The following GRK7 variants were observed in gnomAD, a reference collection of about 807,000 sequenced individuals.
The protein encoded by GRK7 is rhodopsin kinase GRK7.
GRK7 carries 24 observed loss-of-function variants against 34.1 expected under a neutral mutation model. The observed-to-expected ratio is 0.70, with a 90% CI of 0.51 to 0.99. The LOEUF (loss-of-function observed/expected upper bound fraction) is 0.99, where lower values mean the gene tolerates loss of function less well. Among genes scored for constraint, GRK7 ranks in the 50% least tolerant of loss-of-function variants. The pLI is 0.00. For synonymous variants in GRK7, 256 were observed against 279.4 expected, an observed-to-expected ratio of 0.92 and a Z score of 0.84; for missense variants, 644 against 707.3, an observed-to-expected ratio of 0.91 and a Z score of 1.02.
At position 141,778,573 on chromosome 3, in the gene GRK7, G is replaced by A. The variant is rs576881901; in HGVS notation, c.289G>A (p.Glu97Lys). 9.3e-6 allele frequency: 15 copies of A among 1,613,220 alleles called. No homozygotes were observed. The South Asian group carries it at 1.4e-4, about 15-fold the overall frequency. Residue 97 changes from glutamate (E) to lysine (K), a missense_variant, in exon 3 of 6, where the codon GAG (glutamate) becomes AAG (lysine). Glu to Lys is a moderately conservative substitution (Grantham distance 56). Transcript: ENST00000682958. The surrounding 1 kb of genome is among the most constrained non-coding windows in gnomAD (Gnocchi z 4.1). Reference protein sequence around the residue: ...LEDVQNWELAEEGPTKDSALQ... With the variant: ...LEDVQNWELAKEGPTKDSALQ... ...GGACGTGCAGAACTGGGAGCTGGCC[G>A]AGGAGGGACCCACCAAAGACAGCGC...
intron 4 of GRK7, among the ~76,000 whole-genome samples, chr3:141,782,899 C>T (rs1195618808): frequency 6.6e-6 from 1 of 151,872 alleles, no homozygotes; most frequent in Non-Finnish European, 1.5e-5. Flanking sequence ...AGGGGCATAT[C>T]CTAGAAAACC....
chr3:141,810,995 G>C (rs1234200699), intron 5 of GRK7, among the ~76,000 whole-genome samples: 2 of 152,090 alleles, frequency 1.3e-5, no homozygotes, highest in Non-Finnish European at 2.9e-5. Context: ...CACCCACTTG[G>C]ATGCCTCAAT....
chr3:141,816,934 G>T lies in GRK7; in HGVS notation c.1546G>T (p.Ala516Ser). ...CTTTGCGACAGGTGCTGTTCCTATAGCATGGCAGGAAGAAATTATAGAAAC... is the reference window on the plus strand; with the variant it reads ...CTTTGCGACAGGTGCTGTTCCTATATCATGGCAGGAAGAAATTATAGAAAC... The part of the protein sequence containing the change: ...KNFATGAVPI[A>S]WQEEIIETGL... Residue 516 changes from alanine to serine, a missense_variant, in exon 6 of 6, where the codon GCA becomes TCA. Transcript: ENST00000682958. 6.2e-7 allele frequency: 1 copy of T among 1,614,102 alleles called. No individual in the cohort carries two copies. Among genetic ancestry groups the T allele is most frequent in the Non-Finnish European group, 8.5e-7 (1 of 1,179,986 alleles).
chr3:141,815,231 TTTTG>T (rs10576210), intron 5 of GRK7, among the ~76,000 whole-genome samples: 97,106 of 148,164 alleles, frequency 0.66, 31,575 homozygotes, highest in Middle Eastern at 0.79. Context: ...GGTTGGTTTT[TTTTG>T]TTTGTTTGTT....
chr3:141,751,142 G>A, the GRK7 span, among the ~76,000 whole-genome samples: 1 of 152,146 alleles, frequency 6.6e-6, no homozygotes, highest in Non-Finnish European at 1.5e-5. Context: ...TATGCCATTT[G>A]CATTTTATCT....
chr3:141,767,944 A>C (rs1395953578), intron 1 of GRK7, among the ~76,000 whole-genome samples: 10 of 152,234 alleles, frequency 6.6e-5, no homozygotes, highest in Non-Finnish European at 1.5e-4. Flanking sequence ...CTAGGTACAC[A>C]CTATGATAAC....
chr3:141,784,482 C>A (rs938260168), intron 4 of GRK7, among the ~76,000 whole-genome samples: 2 of 152,158 alleles, frequency 1.3e-5, no homozygotes, highest in African/African-American at 4.8e-5. Context: ...CCATAAAAAA[C>A]AAAGAGAAGA....
Position 141,778,801 on chromosome 3 carries a change from G to A in GRK7, c.517G>A (p.Asp173Asn), listed in dbSNP as rs770693714. ...GGATTTCGTGACCAGCGCCTTCTAC[G>A]ACAAGTTTCTGCAGTGGAAACTCTT... ...FKDFVTSAFY[D>N]KFLQWKLFEM... Residue 173 changes from aspartate to asparagine, a missense_variant, in exon 3 of 6, where the codon GAC (aspartate) becomes AAC (asparagine). Coordinates refer to ENST00000682958, the MANE Select transcript of GRK7 (RefSeq NM_139209.3). The surrounding 1 kb of genome is among the most constrained non-coding windows in gnomAD (Gnocchi z 4.1). 1.3e-5 allele frequency: 21 copies of A among 1,609,700 alleles called. No individual in the cohort carries two copies. The highest frequency in any genetic ancestry group is 1.7e-5 in the Admixed American group (1 of 59,256).
intron 1 of GRK7, among the ~76,000 whole-genome samples, chr3:141,769,558 A>T (rs935206988): frequency 6.6e-6 from 1 of 152,254 alleles, no homozygotes; most frequent in African/African-American, 2.4e-5. Context: ...ATAATGGTAC[A>T]GGAGTTGGTC....
chr3:141,787,785 A>T (rs1380489220), intron 4 of GRK7, among the ~76,000 whole-genome samples: 1 of 151,826 alleles, frequency 6.6e-6, no homozygotes, highest in Non-Finnish European at 1.5e-5. Flanking sequence ...AGGTGGGAGA[A>T]TCCCTTGAGG....
chr3:141,784,280 A>G lies in GRK7; in HGVS notation c.1050+3469A>G, dbSNP rs550431595. On this transcript the variant is annotated intron_variant, in intron 4 of 5. Coordinates refer to ENST00000682958, the MANE Select transcript of GRK7 (RefSeq NM_139209.3). ...CCGCTACCAGGAACGTACTTAGTAG[A>G]GAGGCTCACTGCCTACAGACCTTTG... Among the ~76,000 whole-genome samples, 14 of 152,310 alleles carry G rather than the reference A, an allele frequency of 9.2e-5. No individual in the cohort carries two copies. In the South Asian group the frequency reaches 2.9e-3, roughly 32 times the overall value.
chr3:141,794,816 C>T (rs558015212), intron 4 of GRK7, among the ~76,000 whole-genome samples: 2 of 152,020 alleles, frequency 1.3e-5, no homozygotes, highest in South Asian at 2.1e-4. Context: ...GGTTTGGATA[C>T]GGGGTTAAGG....
At chr3:141,810,774 A>G (rs1711085408) in intron 5 of GRK7, among the ~76,000 whole-genome samples, 1 of 152,130 alleles carries the variant, frequency 6.6e-6, no homozygotes, top group East Asian at 1.9e-4. Context: ...GTTGGCCAGA[A>G]CTAGTCCTTG....
At chr3:141,767,802 T>C (rs1215612470) in intron 1 of GRK7, among the ~76,000 whole-genome samples, 1 of 152,156 alleles carries the variant, frequency 6.6e-6, no homozygotes, top group South Asian at 2.1e-4. Context: ...ACCCCCAAGC[T>C]TCTCTATGCC....
chr3:141,769,725 G>C (rs1337612656), intron 1 of GRK7, among the ~76,000 whole-genome samples: 3 of 152,072 alleles, frequency 2.0e-5, no homozygotes, highest in African/African-American at 7.2e-5. Flanking sequence ...AAGACACCAG[G>C]GCATCTCTCC....
chr3:141,804,816 A>C (rs922624291), intron 4 of GRK7, among the ~76,000 whole-genome samples: 1 of 147,712 alleles, frequency 6.8e-6, no homozygotes, highest in Non-Finnish European at 1.5e-5. Context: ...TGCACATACA[A>C]ACATGCTCAC....
chr3:141,783,407 G>C (rs2084681032), intron 4 of GRK7, among the ~76,000 whole-genome samples: 1 of 152,256 alleles, frequency 6.6e-6, no homozygotes, highest in African/African-American at 2.4e-5. Context: ...TTGAGGCAGG[G>C]GTGAAGGAGC....
chr3:141,812,129 G>A (rs953827246), intron 5 of GRK7, among the ~76,000 whole-genome samples: 4 of 152,144 alleles, frequency 2.6e-5, no homozygotes, highest in Admixed American at 1.3e-4. Context: ...ATGTATAGGC[G>A]GGTGGTATCT....
intron 4 of GRK7, among the ~76,000 whole-genome samples, chr3:141,786,576 G>T (rs2084697328): frequency 6.6e-6 from 1 of 152,076 alleles, no homozygotes. Flanking sequence ...AGGAGATCAA[G>T]ACCACGCTGG....
Sources: allele counts gnomAD v4.1 joint callset (sites outside exome capture counted in the v4.1 genomes callset), GRCh38; gene constraint gnomAD v4.1.1; non-coding constraint Gnocchi (gnomAD v3.1); transcripts MANE v1.5; gene names NCBI Gene and HGNC (gene_info 2026-07-23, HGNC 2026-07-21).